Variants in RBM26 observed in about 807,000 individuals in gnomAD.
RBM26 encodes RNA binding motif protein 26.
Under a neutral mutation model 123.6 loss-of-function variants are expected in RBM26, and 30 were observed. The ratio of observed to expected loss-of-function variants is 0.24; its 90% CI spans 0.18 to 0.33. The LOEUF is 0.33. Ranked by LOEUF, RBM26 falls within the 10% of genes least tolerant of loss-of-function variation. The pLI is 1.00. For missense variants in RBM26, 947 were observed against 1,203.6 expected, an observed-to-expected ratio of 0.79 and a Z score of 3.15; for synonymous variants, 400 against 404.4, an observed-to-expected ratio of 0.99 and a Z score of 0.13.
chr13:79,312,026 A>G (rs2066910806), exon 5 of RBM26: 1 of 151,998 alleles, frequency 6.6e-6, no homozygotes, highest in Non-Finnish European at 1.5e-5. Context: ...AAGTTTTATT[A>G]TTACTTTAAA....
At chr13:79,338,185 C>G (rs367943498) in intron 18 of RBM26, among the ~76,000 whole-genome samples, 17 of 152,272 alleles carry the variant, frequency 1.1e-4, no homozygotes, top group East Asian at 7.7e-4. Context: ...ACACTCCAGC[C>G]TGGGCGACAG....
chr13:79,342,880 C>T, intron 16 of RBM26, 49 bp from the exon 17 acceptor site: 3 of 1,196,086 alleles, frequency 2.5e-6, no homozygotes, highest in Non-Finnish European at 3.6e-6. Flanking sequence ...CTCCTATTAT[C>T]ATTAACAAAA....
Position 79,371,801 on chromosome 13 carries a change from C to T in RBM26, c.416+41G>A, listed in dbSNP as rs762331660. 5.9e-6 allele frequency: 8 copies of T among 1,347,162 alleles called. No homozygotes were observed. The Admixed American group carries it at 1.4e-4, about 23-fold the overall frequency. The allele number at this position is 1,347,162 out of a possible 1,614,324, so 83.5% of individuals were successfully genotyped here. On this transcript the variant is annotated intron_variant, in intron 4 of 21. Transcript: ENST00000438737. ...GTCTAAACATTTGTATAAAAGATAA[C>T]TTACATCGAAACACTGAGTATGGTT...
At chr13:79,325,585 C>G (rs1386738686) in intron 20 of RBM26, among the ~76,000 whole-genome samples, 1 of 152,034 alleles carries the variant, frequency 6.6e-6, no homozygotes, top group Non-Finnish European at 1.5e-5. Flanking sequence ...TACAGCTGTG[C>G]AACGTGTCTG....
At position 79,402,866 on chromosome 13, in the gene RBM26, A is replaced by ATTTCCC. The variant is rs2079168570; in HGVS notation, c.71+2837_71+2838insGGGAAA. 1.7e-3 allele frequency among the ~76,000 whole-genome samples: 5 copies of ATTTCCC among 2,998 alleles called. No individual in the cohort carries two copies. The Non-Finnish European group carries it at 0.03, about 18-fold the overall frequency. 2.0% of individuals were successfully genotyped at this position (2,998 alleles called of 152,430 possible). A position where few individuals can be genotyped will look rare whatever the true frequency, so the allele number is the denominator to read the frequency against. The stretch of plus-strand genomic sequence containing the variant: ...TGAGTCATTTCATGTCTTGTTACCT[A>ATTTCCC]CTATATCTTGCACACTGCTTAGCAC... On this transcript the variant is annotated intron_variant, in intron 1 of 21. Transcript: ENST00000438737.
At chr13:79,353,976 A>G (rs2073640837) in intron 13 of RBM26, among the ~76,000 whole-genome samples, 1 of 152,202 alleles carries the variant, frequency 6.6e-6, no homozygotes, top group Non-Finnish European at 1.5e-5. Flanking sequence ...TAAGTACTTA[A>G]AACAGTATAA....
At chr13:79,332,994 TATA>T (rs1268743265) in intron 20 of RBM26, among the ~76,000 whole-genome samples, 14 of 152,180 alleles carry the variant, frequency 9.2e-5, no homozygotes, top group Non-Finnish European at 1.8e-4. Context: ...ATCATTATTT[TATA>T]ATACCACTAT....
At chr13:79,329,329 GCATATA>G (rs1246425625) in intron 20 of RBM26, among the ~76,000 whole-genome samples, 1 of 151,536 alleles carries the variant, frequency 6.6e-6, no homozygotes, top group Non-Finnish European at 1.5e-5. Flanking sequence ...GTATATATGT[GCATATA>G]CATATATATA....
At chr13:79,324,343 TGAATGGC>T (rs2068071620) in intron 20 of RBM26, among the ~76,000 whole-genome samples, 2 of 151,886 alleles carry the variant, frequency 1.3e-5, no homozygotes, top group African/African-American at 4.8e-5. Context: ...TCACTTTTCT[TGAATGGC>T]CATATATATT....
At chr13:79,378,602 G>A (rs373625989) in intron 2 of RBM26, among the ~76,000 whole-genome samples, 187 bp downstream of exon 2, 1 of 152,062 alleles carries the variant, frequency 6.6e-6, no homozygotes, top group Non-Finnish European at 1.5e-5. Context: ...ATCATGCCCG[G>A]CTAATTTTTA....
downstream of RBM26, among the ~76,000 whole-genome samples, chr13:79,318,603 T>G (rs528187312): frequency 6.6e-6 from 1 of 151,588 alleles, no homozygotes; most frequent in South Asian, 2.1e-4. Context: ...TGTCTTCTGA[T>G]TCATTCAAAG....
intron 20 of RBM26, among the ~76,000 whole-genome samples, chr13:79,333,831 C>A (rs990651792): frequency 2.0e-5 from 3 of 152,086 alleles, no homozygotes; most frequent in African/African-American, 7.2e-5. Context: ...GAGGTATAGA[C>A]CATGTCTTAG....
In RBM26 at chr13:79,354,428, CT is replaced by C; in HGVS notation, c.1986+10del. On this transcript the variant is annotated intron_variant, in intron 13 of 21. Transcript: ENST00000438737. ...CCTATTACGGGCACAATCGTAAGAC[CT>C]TTGCTTTACCTGAGGAAGGTCTGAA... 1 of 1,550,192 alleles carries C rather than the reference CT, an allele frequency of 6.5e-7. No homozygotes were observed. Among genetic ancestry groups the C allele is most frequent in the Non-Finnish European group, 8.8e-7 (1 of 1,141,678 alleles).
intron 1 of RBM26, among the ~76,000 whole-genome samples, chr13:79,397,306 A>G (rs1180587432): frequency 2.0e-5 from 3 of 152,204 alleles, no homozygotes; most frequent in Non-Finnish European, 4.4e-5. Flanking sequence ...CCTAGAGCCA[A>G]TATCAGTAAT....
intron 14 of RBM26, among the ~76,000 whole-genome samples, chr13:79,352,538 ACCC>A (rs1255280373): frequency 6.6e-6 from 1 of 151,742 alleles, no homozygotes; most frequent in Non-Finnish European, 1.5e-5. Context: ...ATAAATATTT[ACCC>A]CCCTTCATTT....
At chr13:79,321,120 T>G (rs1185698853) in intron 21 of RBM26, among the ~76,000 whole-genome samples, 1 of 151,438 alleles carries the variant, frequency 6.6e-6, no homozygotes, top group African/African-American at 2.4e-5. Flanking sequence ...AGATTTATAT[T>G]TATATTTATT....
chr13:79,333,566 T>A (rs571549867), intron 20 of RBM26, among the ~76,000 whole-genome samples: 1 of 152,328 alleles, frequency 6.6e-6, no homozygotes, highest in East Asian at 1.9e-4. Flanking sequence ...TGCTTTCATT[T>A]GGAAAACTAT....
chr13:79,383,057 C>T (rs190152257), intron 1 of RBM26, among the ~76,000 whole-genome samples: 6 of 152,148 alleles, frequency 3.9e-5, no homozygotes, highest in Non-Finnish European at 7.4e-5. Flanking sequence ...GCAGAAGCAG[C>T]CAAACAGGTT....
At chr13:79,372,307 C>T (rs2075979570) in intron 3 of RBM26, among the ~76,000 whole-genome samples, 1 of 151,960 alleles carries the variant, frequency 6.6e-6, no homozygotes, top group South Asian at 2.1e-4. Context: ...CAAAAAAAAG[C>T]CTTAGACACA....
Sources: gnomAD v4.1 joint callset for allele counts (sites outside exome capture counted in the v4.1 genomes callset) on GRCh38, gnomAD v4.1.1 for gene constraint, MANE v1.5 for transcripts, NCBI Gene and HGNC (gene_info 2026-07-23, HGNC 2026-07-21) for gene names.